Variants in NEGR1 observed in about 807,000 individuals in gnomAD.
NEGR1 encodes the protein neuronal growth regulator 1.
NEGR1 carries 10 observed loss-of-function variants against 40.9 expected under a neutral mutation model. The ratio of observed to expected loss-of-function variants is 0.24; its 90% CI spans 0.15 to 0.42. The LOEUF is 0.42. Among genes scored for constraint, NEGR1 ranks in the 10% least tolerant of loss-of-function variants. The pLI, the probability that NEGR1 is intolerant of heterozygous loss-of-function variation, is 1.00. For synonymous variants in NEGR1, 185 were observed against 166.8 expected, an observed-to-expected ratio of 1.11 and a Z score of -0.84; for missense variants, 352 against 438.9, an observed-to-expected ratio of 0.80 and a Z score of 1.77.
rs1207169150 is a variant in NEGR1 at position 71,580,455 on chromosome 1, A to T, written c.940+12362T>A. Among the ~76,000 whole-genome samples, 3 of 151,952 alleles carry T rather than the reference A, an allele frequency of 2.0e-5. No homozygotes were observed. In the East Asian group the frequency reaches 5.8e-4, roughly 29 times the overall value. On this transcript the variant is annotated intron_variant, in intron 6 of 6. Coordinates refer to ENST00000357731, the MANE Select transcript of NEGR1 (RefSeq NM_173808.3). Reference sequence around the variant, plus strand: ...ACATGTACCCTAAAACTTAAAGTATAATAATAATAATAAAAATAAAAAAAA... The same window carrying T: ...ACATGTACCCTAAAACTTAAAGTATTATAATAATAATAAAAATAAAAAAAA...
chr1:71,978,290 G>A (rs886560490), intron 1 of NEGR1, among the ~76,000 whole-genome samples: 3 of 152,108 alleles, frequency 2.0e-5, no homozygotes, highest in African/African-American at 7.2e-5. Flanking sequence ...CAAGAATTAA[G>A]GGTAAAAATT....
Position 71,915,257 on chromosome 1 carries a change from GA to G in NEGR1, c.409+19821del, listed in dbSNP as rs797015721. Among the ~76,000 whole-genome samples, 13 of 152,148 alleles carry G rather than the reference GA, an allele frequency of 8.5e-5. 1 individual carries two copies. The South Asian group carries it at 2.7e-3, about 32-fold the overall frequency. On this transcript the variant is annotated intron_variant, in intron 2 of 6. Transcript: ENST00000357731. ...GAAGCCTTTTTGTCATTACAAAGTT[GA>G]AAAATGGCTTGGCATATGCATTTAT...
intron 1 of NEGR1, among the ~76,000 whole-genome samples, chr1:72,091,376 G>GTTCCTCCTTTCCTCCCTCCCTCCC (rs1334651482): frequency 8.3e-5 from 5 of 60,358 alleles, no homozygotes; most frequent in African/African-American, 3.2e-4. Context: ...CCCTCCCTCC[G>GTTCCTCCTTTCCTCCCTCCCTCCC]TTCCTCCTTT....
chr1:71,592,951 T>A lies in NEGR1; in HGVS notation c.806A>T (p.Gln269Leu). ...GCTAAAATTTTGAATAATAATTCCT[T>A]GTTGGCCATTGAAGAGCCTAGAAGA... ...KGEKKLFNGQ[Q>L]GIIIQNFSTR... The change falls in exon 6 of 7, where the codon CAA becomes CTA. Residue 269 changes from glutamine (Q) to leucine (L), a missense_variant. Gln to Leu is a moderately radical substitution (Grantham distance 113, BLOSUM62 -2). Coordinates refer to ENST00000357731, the MANE Select transcript of NEGR1 (RefSeq NM_173808.3). The A allele has an allele frequency of 3.1e-6, 5 of 1,611,276 alleles. No homozygotes were observed. The highest frequency in any genetic ancestry group is 3.4e-6 in the Non-Finnish European group (4 of 1,177,530).
intron 1 of NEGR1, among the ~76,000 whole-genome samples, chr1:72,282,050 C>G (rs1656274731): frequency 6.6e-6 from 1 of 152,076 alleles, no homozygotes; most frequent in South Asian, 2.1e-4. Flanking sequence ...GCACCTGCCC[C>G]TCCTTCTAAA....
rs369527861 is a variant in NEGR1, at chr1:72,201,672, T to TG, written c.176+80646dup. Among the ~76,000 whole-genome samples the TG allele has an allele frequency of 2.1e-3, 322 of 151,036 alleles. 4 individuals carry two copies. In the East Asian group the frequency reaches 0.027, roughly 13 times the overall value. ...TAATTTCAAAGATGTTAAAATGTGG[T>TG]GGGGGGGGTGGAAGTGTCTTAGAAT... On this transcript the variant is annotated intron_variant, in intron 1 of 6. Transcript: ENST00000357731.
At chr1:71,947,857 T>C (rs1035031592) in intron 1 of NEGR1, among the ~76,000 whole-genome samples, 6 of 152,186 alleles carry the variant, frequency 3.9e-5, no homozygotes. Flanking sequence ...AAAGTCATCA[T>C]GTACCTAAGT....
intron 2 of NEGR1, among the ~76,000 whole-genome samples, chr1:71,817,380 C>T (rs951856951): frequency 6.6e-6 from 1 of 152,060 alleles, no homozygotes; most frequent in Admixed American, 6.6e-5. Context: ...AGTACTTCCC[C>T]ACCAGGTTGG....
At chr1:71,549,392 T>C (rs61764986) in intron 6 of NEGR1, among the ~76,000 whole-genome samples, 370 of 151,750 alleles carry the variant, frequency 2.4e-3, no homozygotes, top group Non-Finnish European at 4.0e-3. Context: ...TATGCACTGG[T>C]TCCTCCATGC....
At chr1:71,773,244 C>A (rs1347541623) in intron 3 of NEGR1, among the ~76,000 whole-genome samples, 3 of 152,132 alleles carry the variant, frequency 2.0e-5, no homozygotes, top group African/African-American at 7.2e-5. Context: ...GCAAGAATTA[C>A]CATGGGCATT....
intron 1 of NEGR1, among the ~76,000 whole-genome samples, chr1:72,028,574 G>GCACAT (rs1369540333): frequency 6.6e-6 from 1 of 152,158 alleles, no homozygotes; most frequent in Non-Finnish European, 1.5e-5. Flanking sequence ...AGTTGCCTCA[G>GCACAT]CACATCACAC....
chr1:72,058,462 G>A (rs893652695), intron 1 of NEGR1, among the ~76,000 whole-genome samples: 17 of 151,588 alleles, frequency 1.1e-4, no homozygotes, highest in Non-Finnish European at 1.9e-4. Flanking sequence ...AAGAATTTAA[G>A]TGTTCTCTAA....
intron 1 of NEGR1, among the ~76,000 whole-genome samples, chr1:72,227,297 T>G (rs780928126): frequency 6.6e-6 from 1 of 151,938 alleles, no homozygotes; most frequent in Non-Finnish European, 1.5e-5. Context: ...GAAAGGAGTT[T>G]AAAATTGTAT....
At chr1:72,228,535 A>T (rs1654262403) in intron 1 of NEGR1, among the ~76,000 whole-genome samples, 1 of 152,138 alleles carries the variant, frequency 6.6e-6, no homozygotes. Context: ...TCCTCATAAT[A>T]AATCTCTTCA....
intron 6 of NEGR1, among the ~76,000 whole-genome samples, chr1:71,482,845 A>G (rs1646862948): frequency 6.6e-6 from 1 of 151,890 alleles, no homozygotes; most frequent in Non-Finnish European, 1.5e-5. Flanking sequence ...TACTGCCTGT[A>G]TTAGGTGCTG....
At chr1:71,880,923 G>T (rs1660567413) in intron 2 of NEGR1, among the ~76,000 whole-genome samples, 1 of 151,958 alleles carries the variant, frequency 6.6e-6, no homozygotes, top group South Asian at 2.1e-4. Flanking sequence ...TTGGCTTTTT[G>T]AAGTTTCACG....
chr1:71,808,387 A>G (rs1334649391), intron 2 of NEGR1, among the ~76,000 whole-genome samples: 1 of 152,160 alleles, frequency 6.6e-6, no homozygotes, highest in Non-Finnish European at 1.5e-5. Context: ...GAAAACAAAT[A>G]TATTTGAGTG....
intron 6 of NEGR1, among the ~76,000 whole-genome samples, chr1:71,557,618 G>C (rs1648294042): frequency 6.6e-6 from 1 of 151,480 alleles, no homozygotes; most frequent in South Asian, 2.1e-4. Flanking sequence ...TAGACTTATG[G>C]AGAAACTGCA....
intron 4 of NEGR1, among the ~76,000 whole-genome samples, chr1:71,657,807 A>T (rs573655785): frequency 7.2e-5 from 11 of 152,362 alleles, no homozygotes; most frequent in African/African-American, 2.4e-4. Context: ...ATACTTAACT[A>T]GTGCTTTCTT....
Sources: allele counts gnomAD v4.1 joint callset (sites outside exome capture counted in the v4.1 genomes callset), GRCh38; gene constraint gnomAD v4.1.1; transcripts MANE v1.5; gene names NCBI Gene and HGNC (gene_info 2026-07-23, HGNC 2026-07-21).